Variants in DLGAP2 observed in about 807,000 individuals in gnomAD.
DLGAP2 encodes the protein DLG associated protein 2.
Under a neutral mutation model 100.3 loss-of-function variants are expected in DLGAP2, and 26 were observed. That is an observed-to-expected ratio of 0.26 (90% CI 0.19 to 0.36). The LOEUF (loss-of-function observed/expected upper bound fraction) is 0.36. Ranked by LOEUF, DLGAP2 falls within the 10% of genes least tolerant of loss-of-function variation. The pLI, the probability that DLGAP2 is intolerant of heterozygous loss-of-function variation, is 1.00. For missense variants in DLGAP2, 1,858 were observed against 1,453.2 expected (o/e 1.28, Z -4.53); for synonymous variants, 886 against 630.1 (o/e 1.41, Z -6.08).
At chr8:1,193,177 G>A (rs1797676015) in intron 2 of DLGAP2, among the ~76,000 whole-genome samples, 1 of 152,022 alleles carries the variant, frequency 6.6e-6, no homozygotes, top group South Asian at 2.1e-4. Flanking sequence ...TAATCCTTTG[G>A]GTATATAACC....
intron 2 of DLGAP2, among the ~76,000 whole-genome samples, chr8:1,032,086 G>A (rs1049870189): frequency 6.6e-6 from 1 of 152,340 alleles, no homozygotes; most frequent in South Asian, 2.1e-4. Context: ...AAATGTCCAC[G>A]TTTCTGAAAA....
intron 1 of DLGAP2, among the ~76,000 whole-genome samples, chr8:825,271 T>C (rs1045046221): frequency 1.3e-5 from 2 of 152,236 alleles, no homozygotes; most frequent in Middle Eastern, 3.2e-3. Context: ...GATCAGGTTG[T>C]GCTGTTAGAT....
At position 1,539,881 on chromosome 8, in the gene DLGAP2, C is replaced by T. The variant is rs538500860; in HGVS notation, c.173-8745C>T. ...TCCCTTCCCTGCCTTCTTCCTGTGC[C>T]CCCCAAGCCCCTCAGTCCATCCTCA... is the stretch of plus-strand genomic sequence containing the variant. On this transcript the variant is annotated intron_variant, in intron 4 of 14. Coordinates refer to ENST00000637795, the MANE Select transcript of DLGAP2 (RefSeq NM_001346810.2). Among the ~76,000 whole-genome samples, 759 of 75,946 alleles carry T rather than the reference C, an allele frequency of 1.0e-2. 8 individuals are homozygous for T. The highest frequency in any genetic ancestry group is 0.047 in the South Asian group (188 of 3,986). 49.8% of individuals were successfully genotyped at this position (75,946 alleles called of 152,430 possible).
intron 2 of DLGAP2, among the ~76,000 whole-genome samples, chr8:1,144,625 G>T (rs1313320202): frequency 6.6e-6 from 1 of 152,222 alleles, no homozygotes; most frequent in African/African-American, 2.4e-5. Flanking sequence ...GAGAAGTTGC[G>T]TCTAGGTAAA....
chr8:1,071,960 G>A (rs1360468801), intron 2 of DLGAP2, among the ~76,000 whole-genome samples: 1 of 152,206 alleles, frequency 6.6e-6, no homozygotes, highest in Non-Finnish European at 1.5e-5. Flanking sequence ...CGTGCTGGCT[G>A]TACGTGGTTT....
intron 1 of DLGAP2, among the ~76,000 whole-genome samples, chr8:887,025 G>A (rs893290784): frequency 6.6e-6 from 1 of 152,160 alleles, no homozygotes; most frequent in Non-Finnish European, 1.5e-5. Flanking sequence ...AGGTCTCTAA[G>A]AACTTGTTTT....
intron 3 of DLGAP2, among the ~76,000 whole-genome samples, chr8:1,364,219 G>T (rs928158156): frequency 2.6e-5 from 4 of 152,216 alleles, no homozygotes. Flanking sequence ...GTGCCCCCGG[G>T]CTGGATCCCA....
At position 1,454,800 on chromosome 8, in the gene DLGAP2, A is replaced by T. The variant is rs143510065; in HGVS notation, c.107-46566A>T. Among the ~76,000 whole-genome samples, 19 of 152,116 alleles carry T rather than the reference A, an allele frequency of 1.2e-4. No individual in the cohort carries two copies. In the East Asian group the frequency reaches 2.9e-3, roughly 23 times the overall value. ...AAGGAATAAAGTCAGTGGCCCAGAG[A>T]CCCCCACTGAGCACTCAGACCTTCG... On this transcript the variant is annotated intron_variant, in intron 3 of 14. Transcript: ENST00000637795.
intron 2 of DLGAP2, among the ~76,000 whole-genome samples, chr8:923,840 A>C (rs1798762470): frequency 6.6e-6 from 1 of 152,194 alleles, no homozygotes; most frequent in Non-Finnish European, 1.5e-5. Context: ...AGACTGCCAA[A>C]GGTCTAAAGT....
intron 2 of DLGAP2, among the ~76,000 whole-genome samples, chr8:1,175,372 G>A (rs1245961299): frequency 6.6e-6 from 1 of 152,172 alleles, no homozygotes; most frequent in Non-Finnish European, 1.5e-5. Flanking sequence ...AAAGAGTCCA[G>A]AAGAATATCA....
chr8:1,092,820 A>G (rs1002947012), intron 2 of DLGAP2, among the ~76,000 whole-genome samples: 16 of 152,252 alleles, frequency 1.1e-4, no homozygotes, highest in African/African-American at 3.4e-4. Flanking sequence ...AGCCACAGGG[A>G]CGGATTCCTG....
chr8:1,246,790 A>C (rs1391461597), intron 2 of DLGAP2: 5 of 152,736 alleles, frequency 3.3e-5, no homozygotes, highest in African/African-American at 1.2e-4. Context: ...CTGATGGCCC[A>C]CATTGGTGGC....
At chr8:1,493,067 G>T (rs187089599) in intron 3 of DLGAP2, among the ~76,000 whole-genome samples, 66 of 152,310 alleles carry the variant, frequency 4.3e-4, no homozygotes, top group Admixed American at 4.0e-3. Flanking sequence ...CAGCCTCAAG[G>T]GAAGTCCAGG....
Position 1,701,494 on chromosome 8 carries a change from C to G in DLGAP2, c.*88C>G. 7.4e-7 allele frequency: 1 copy of G among 1,351,008 alleles called. No homozygotes were observed. Among genetic ancestry groups the G allele is most frequent in the Non-Finnish European group, 1.0e-6 (1 of 1,003,522 alleles). 83.7% of individuals were successfully genotyped at this position (1,351,008 alleles called of 1,614,324 possible). On this transcript the variant is annotated 3_prime_UTR_variant, in exon 15 of 15. Transcript: ENST00000637795. The stretch of plus-strand genomic sequence containing the variant: ...GCCGCCCTGGTGGTTTCTGTCTCCT[C>G]CTCCCGCTGAACACGTCCTCGCTCC...
intron 2 of DLGAP2, among the ~76,000 whole-genome samples, chr8:1,049,190 C>G (rs1286234991): frequency 2.0e-5 from 3 of 152,186 alleles, no homozygotes; most frequent in Non-Finnish European, 4.4e-5. Context: ...ACTTCATCCT[C>G]ATTGTCTCTC....
chr8:1,382,326 G>C (rs1346925975), intron 3 of DLGAP2, among the ~76,000 whole-genome samples: 1 of 152,218 alleles, frequency 6.6e-6, no homozygotes, highest in African/African-American at 2.4e-5. Context: ...GGAGAAGAGG[G>C]GTTGTTCCCA....
At chr8:946,568 C>G (rs1799332680) in intron 2 of DLGAP2, among the ~76,000 whole-genome samples, 1 of 152,172 alleles carries the variant, frequency 6.6e-6, no homozygotes, top group African/African-American at 2.4e-5. Flanking sequence ...CGGCCCGTTC[C>G]TTAGTTTTTA....
intron 3 of DLGAP2, among the ~76,000 whole-genome samples, chr8:1,269,140 G>A (rs896828857): frequency 4.6e-5 from 7 of 152,076 alleles, no homozygotes; most frequent in South Asian, 4.2e-4. Context: ...CGGTGGGCCC[G>A]TCTGCCACCT....
chr8:1,041,143 C>T (rs954734276), intron 2 of DLGAP2, among the ~76,000 whole-genome samples: 5 of 152,130 alleles, frequency 3.3e-5, no homozygotes, highest in East Asian at 1.9e-4. Flanking sequence ...TTTTAAATAA[C>T]AGTTAAATAT....
Sources: allele counts gnomAD v4.1 joint callset (sites outside exome capture counted in the v4.1 genomes callset), GRCh38; gene constraint gnomAD v4.1.1; transcripts MANE v1.5; gene names NCBI Gene and HGNC (gene_info 2026-07-23, HGNC 2026-07-21).